The following NIPA1 variants were observed in gnomAD, a reference collection of about 807,000 sequenced individuals.
The protein encoded by NIPA1 is magnesium transporter NIPA1.
A neutral mutation model predicts 23.9 loss-of-function variants in NIPA1; 13 were observed. The ratio of observed to expected loss-of-function variants is 0.54; its 90% CI spans 0.35 to 0.87. The LOEUF (loss-of-function observed/expected upper bound fraction) is 0.87, where lower values mean the gene tolerates loss of function less well. Among genes scored for constraint, NIPA1 ranks in the 40% least tolerant of loss-of-function variants. The probability of loss-of-function intolerance (pLI) is 0.01; values close to 1 mark genes in which losing one functional copy is unlikely to be tolerated. For synonymous variants in NIPA1, 234 were observed against 202.9 expected, an observed-to-expected ratio of 1.15 and a Z score of -1.30; for missense variants, 362 against 429.7, an observed-to-expected ratio of 0.84 and a Z score of 1.39.
intron 1 of NIPA1, among the ~76,000 whole-genome samples, chr15:22,809,422 A>C (rs1412660047): frequency 2.0e-5 from 3 of 151,974 alleles, no homozygotes; most frequent in African/African-American, 7.3e-5. Flanking sequence ...TCATTACTGT[A>C]ATCTGTGGTT....
chr15:22,803,294 C>T (rs911597626), intron 1 of NIPA1, among the ~76,000 whole-genome samples: 1 of 151,922 alleles, frequency 6.6e-6, no homozygotes, highest in Non-Finnish European at 1.5e-5. Flanking sequence ...CATGAGCCAC[C>T]ACGCCTGGCT....
At chr15:22,821,670 C>T (rs971383177) in intron 4 of NIPA1, among the ~76,000 whole-genome samples, 11 of 150,722 alleles carry the variant, frequency 7.3e-5, no homozygotes, top group Non-Finnish European at 1.3e-4. Flanking sequence ...AGTCCACACT[C>T]GCTGGTTTGC....
Position 22,812,303 on chromosome 15 carries a change from AAC to A in NIPA1, c.317+51_317+52del, listed in dbSNP as rs551122053. 1.5e-4 allele frequency: 196 copies of A among 1,303,378 alleles called. 1 individual carries two copies. The African/African-American group carries it at 2.5e-3, about 16-fold the overall frequency. The allele number at this position is 1,303,378 out of a possible 1,614,324, so 80.7% of individuals were successfully genotyped here. On this transcript the variant is annotated intron_variant, in intron 3 of 4. Transcript: ENST00000337435. ...ATTTAATGTGTAGTGTAGATATAAC[AAC>A]TTTTCATTTTAAATGTTTCTGTTAA...
intron 4 of NIPA1, among the ~76,000 whole-genome samples, chr15:22,821,138 T>G (rs1283569744): frequency 6.6e-6 from 1 of 152,252 alleles, no homozygotes; most frequent in South Asian, 2.1e-4. Flanking sequence ...TAATTTTTTT[T>G]GTATTTTTAG....
At chr15:22,822,798 G>A (rs1306014259) in intron 4 of NIPA1, among the ~76,000 whole-genome samples, 1 of 151,330 alleles carries the variant, frequency 6.6e-6, no homozygotes, top group Non-Finnish European at 1.5e-5. Flanking sequence ...TTGCAATCCA[G>A]CCTGGGCAAC....
intron 1 of NIPA1, among the ~76,000 whole-genome samples, chr15:22,794,513 A>G (rs1026439569): frequency 3.3e-5 from 5 of 151,720 alleles, no homozygotes; most frequent in Non-Finnish European, 7.4e-5. Flanking sequence ...TATGTTATGT[A>G]TATTTTACCA....
rs1895219820 is a variant in NIPA1, at chr15:22,806,755, A to C, written c.179-3994A>C. On this transcript the variant is annotated intron_variant, in intron 1 of 4. Transcript: ENST00000337435. ...CTCACAGATATCTGTATGACGGGCC[A>C]AGGGCTAATATGGAATGCAGACTCC... Among the ~76,000 whole-genome samples, 6 of 152,176 alleles carry C rather than the reference A, an allele frequency of 3.9e-5. No homozygotes were observed. In the South Asian group the frequency reaches 1.2e-3, roughly 32 times the overall value.
chr15:22,796,997 T>A (rs1894951356), intron 1 of NIPA1, among the ~76,000 whole-genome samples: 1 of 152,220 alleles, frequency 6.6e-6, no homozygotes, highest in South Asian at 2.1e-4. Context: ...AAGTGGAACT[T>A]ACTCATCTCT....
At chr15:22,787,753 G>T (rs1051800905) in intron 1 of NIPA1, among the ~76,000 whole-genome samples, 1 of 152,164 alleles carries the variant, frequency 6.6e-6, no homozygotes, top group African/African-American at 2.4e-5. Context: ...CTCTGGGAAG[G>T]ATGTGGCCCC....
At chr15:22,798,236 A>G (rs926340528) in intron 1 of NIPA1, among the ~76,000 whole-genome samples, 7 of 110,624 alleles carry the variant, frequency 6.3e-5, no homozygotes, top group African/African-American at 2.7e-4. Context: ...TATGCTAAAA[A>G]TCTTTTTTTT....
At chr15:22,820,001 C>T (rs1895504535) in intron 3 of NIPA1, among the ~76,000 whole-genome samples, 2 of 152,012 alleles carry the variant, frequency 1.3e-5, no homozygotes, top group South Asian at 4.1e-4. Flanking sequence ...TGAGACTTGC[C>T]TGGGCAATCT....
intron 1 of NIPA1, among the ~76,000 whole-genome samples, chr15:22,791,160 G>A (rs1321355712): frequency 1.3e-5 from 2 of 152,076 alleles, no homozygotes; most frequent in Non-Finnish European, 2.9e-5. Flanking sequence ...GGTCACTGGC[G>A]AAGTATGAAA....
chr15:22,796,394 G>A (rs1894938559), intron 1 of NIPA1, among the ~76,000 whole-genome samples: 1 of 151,890 alleles, frequency 6.6e-6, no homozygotes, highest in African/African-American at 2.4e-5. Context: ...AATTGCTGTT[G>A]GACAGAATAT....
In NIPA1 at chr15:22,822,974, A is replaced by G. The variant is rs1160277978; in HGVS notation, c.479-754A>G. ...TGCTCTGTCGCCCAGGCTGGAGTGCAGTGGTGTGATCTCGGCTCACTGCAA... is the reference window on the plus strand; with the variant it reads ...TGCTCTGTCGCCCAGGCTGGAGTGCGGTGGTGTGATCTCGGCTCACTGCAA... On this transcript the variant is annotated intron_variant, in intron 4 of 4. Coordinates refer to ENST00000337435, the MANE Select transcript of NIPA1 (RefSeq NM_144599.5). Among the ~76,000 whole-genome samples the G allele has an allele frequency of 4.3e-5, 5 of 115,218 alleles. No homozygotes were observed. In the East Asian group the frequency reaches 1.5e-3, roughly 34 times the overall value. 75.6% of individuals were successfully genotyped at this position (115,218 alleles called of 152,430 possible). A position where few individuals can be genotyped will look rare whatever the true frequency, so the allele number is the denominator to read the frequency against.
At chr15:22,802,932 C>T (rs772248578) in intron 1 of NIPA1, among the ~76,000 whole-genome samples, 2 of 151,972 alleles carry the variant, frequency 1.3e-5, no homozygotes, top group Admixed American at 6.6e-5. Flanking sequence ...GTTTACATAT[C>T]CATTCTCCTG....
At chr15:22,803,647 T>A (rs2140859847) in intron 1 of NIPA1, among the ~76,000 whole-genome samples, 1 of 149,458 alleles carries the variant, frequency 6.7e-6, no homozygotes, top group South Asian at 2.1e-4. Context: ...TAGCTGGGAT[T>A]ACAGGCACCT....
At position 22,824,329 on chromosome 15, in the gene NIPA1, C is replaced by A. The variant is rs1395758347; in HGVS notation, c.*90C>A. On this transcript the variant is annotated 3_prime_UTR_variant, in exon 5 of 5. Coordinates refer to ENST00000337435, the MANE Select transcript of NIPA1 (RefSeq NM_144599.5). The surrounding 1 kb of genome is among the most constrained non-coding windows in gnomAD (Gnocchi z 4.1). ...ATGTGAAGTAGAAGAGGTCCTCGAT[C>A]ATGGTGTTAGAATTGACTGGATAGT... 1.1e-5 allele frequency: 12 copies of A among 1,133,844 alleles called. No homozygotes were observed. The highest frequency in any genetic ancestry group is 1.5e-5 in the Non-Finnish European group (11 of 747,550). 70.2% of individuals were successfully genotyped at this position (1,133,844 alleles called of 1,614,324 possible).
intron 3 of NIPA1, among the ~76,000 whole-genome samples, chr15:22,813,237 G>C (rs1895353626): frequency 6.6e-6 from 1 of 152,124 alleles, no homozygotes; most frequent in Non-Finnish European, 1.5e-5. Flanking sequence ...TCTGGGAACT[G>C]AGGACTCCAG....
At chr15:22,789,377 G>A (rs536952974) in intron 1 of NIPA1, among the ~76,000 whole-genome samples, 2 of 152,260 alleles carry the variant, frequency 1.3e-5, no homozygotes, top group Admixed American at 1.3e-4. Flanking sequence ...TTAGGCTTTA[G>A]CTCTATGACT....
Sources: allele counts gnomAD v4.1 joint callset (sites outside exome capture counted in the v4.1 genomes callset), GRCh38; gene constraint gnomAD v4.1.1; non-coding constraint Gnocchi (gnomAD v3.1); transcripts MANE v1.5; gene names NCBI Gene and HGNC (gene_info 2026-07-23, HGNC 2026-07-21).